The following DLGAP2 variants were observed in gnomAD, a reference collection of about 807,000 sequenced individuals.
The protein encoded by DLGAP2 is DLG associated protein 2, also known as disks large-associated protein 2.
DLGAP2 carries 26 observed loss-of-function variants against 100.3 expected under a neutral mutation model. That is an observed-to-expected ratio of 0.26 (90% CI 0.19 to 0.36). DLGAP2 has a LOEUF of 0.36. DLGAP2 is among the 10% of genes least tolerant of loss of function. The pLI is 1.00. For missense variants in DLGAP2, 1,858 were observed against 1,453.2 expected (o/e 1.28, Z -4.53); for synonymous variants, 886 against 630.1 (o/e 1.41, Z -6.08).
At chr8:1,524,439 CCTAA>C (rs1800721159) in intron 4 of DLGAP2, among the ~76,000 whole-genome samples, 4 of 152,196 alleles carry the variant, frequency 2.6e-5, no homozygotes, top group Admixed American at 6.5e-5. Flanking sequence ...CTTGGGCAGC[CCTAA>C]CTAAGGAGCC....
chr8:1,266,491 A>T (rs1799453787), intron 3 of DLGAP2, among the ~76,000 whole-genome samples: 1 of 152,066 alleles, frequency 6.6e-6, no homozygotes, highest in Admixed American at 6.5e-5. Flanking sequence ...AATAACTATT[A>T]CCAAAGCATA....
At chr8:1,040,496 G>C (rs1047068705) in intron 2 of DLGAP2, among the ~76,000 whole-genome samples, 21 of 136,084 alleles carry the variant, frequency 1.5e-4, no homozygotes, top group African/African-American at 5.8e-4. Flanking sequence ...TTCCGTGGTC[G>C]TCTCGGTGTG....
At chr8:1,373,850 A>T (rs1251167077) in intron 3 of DLGAP2, 2 of 152,302 alleles carry the variant, frequency 1.3e-5, no homozygotes, top group Non-Finnish European at 2.9e-5. Flanking sequence ...TATGTGTATC[A>T]CAGACCCGCA....
At chr8:1,076,840 G>A (rs1256765157) in intron 2 of DLGAP2, among the ~76,000 whole-genome samples, 3 of 149,870 alleles carry the variant, frequency 2.0e-5, no homozygotes, top group Non-Finnish European at 3.0e-5. Flanking sequence ...AAGACCAAGA[G>A]GGGGAGGAGG....
intron 3 of DLGAP2, among the ~76,000 whole-genome samples, chr8:1,318,297 A>T (rs546011311): frequency 9.9e-4 from 150 of 152,274 alleles, no homozygotes; most frequent in African/African-American, 3.5e-3. Context: ...GTTGGTGTTT[A>T]GGTTGTCAAA....
intron 3 of DLGAP2, among the ~76,000 whole-genome samples, chr8:1,341,889 G>T (rs1335360771): frequency 6.6e-6 from 1 of 152,202 alleles, no homozygotes; most frequent in African/African-American, 2.4e-5. Flanking sequence ...TGGGATTCTA[G>T]CCTGCGGGTG....
At chr8:1,208,205 G>A (rs1413399939) in intron 2 of DLGAP2, among the ~76,000 whole-genome samples, 7 of 152,184 alleles carry the variant, frequency 4.6e-5, no homozygotes. Flanking sequence ...GGTCTTAGCT[G>A]TAAGTCTTTG....
chr8:1,193,442 CAT>C (rs977457740), intron 2 of DLGAP2, among the ~76,000 whole-genome samples: 3 of 152,138 alleles, frequency 2.0e-5, no homozygotes, highest in African/African-American at 7.2e-5. Flanking sequence ...AGCATTTTTT[CAT>C]GTGTCTTTTG....
chr8:1,449,497 G>A (rs1165955651), intron 3 of DLGAP2, among the ~76,000 whole-genome samples: 2 of 152,164 alleles, frequency 1.3e-5, no homozygotes. Context: ...CATGGACCTG[G>A]GATGTCAGAG....
chr8:1,620,130 A>AT (rs1797280396), intron 6 of DLGAP2, among the ~76,000 whole-genome samples: 1 of 152,128 alleles, frequency 6.6e-6, no homozygotes, highest in Admixed American at 6.5e-5. Flanking sequence ...AGTTCCACTC[A>AT]TACTTCCATT....
At chr8:1,037,076 C>T (rs1802148748) in intron 2 of DLGAP2, among the ~76,000 whole-genome samples, 1 of 152,250 alleles carries the variant, frequency 6.6e-6, no homozygotes, top group African/African-American at 2.4e-5. Context: ...GACAGGCATG[C>T]TGTGTCCCTG....
intron 2 of DLGAP2, among the ~76,000 whole-genome samples, chr8:1,054,826 G>A (rs941487240): frequency 2.6e-5 from 4 of 152,128 alleles, no homozygotes; most frequent in Admixed American, 6.5e-5. Flanking sequence ...CAAATTGTAA[G>A]GAAAAACCAT....
Position 1,544,942 on chromosome 8 carries a change from A to G in DLGAP2, c.173-3684A>G, listed in dbSNP as rs928160209. Among the ~76,000 whole-genome samples, 18 of 152,112 alleles carry G rather than the reference A, an allele frequency of 1.2e-4. 1 individual carries two copies. On this transcript the variant is annotated intron_variant, in intron 4 of 14. Coordinates refer to ENST00000637795, the MANE Select transcript of DLGAP2 (RefSeq NM_001346810.2). ...GAGATGGGGTTTCACCATGTTGGCC[A>G]GGATGGTCTCGATCTCTTGACCTTG...
At chr8:1,163,201 T>TG (rs1796925587) in intron 2 of DLGAP2, among the ~76,000 whole-genome samples, 1 of 152,228 alleles carries the variant, frequency 6.6e-6, no homozygotes, top group African/African-American at 2.4e-5. Flanking sequence ...GACGTGTCTG[T>TG]GCCAGTGAAA....
rs115198272 is a variant in DLGAP2, at chr8:1,241,233, C to G, written c.74-17618C>G. On this transcript the variant is annotated intron_variant, in intron 2 of 14. Transcript: ENST00000637795. ...CTAATTCTCTCACATGGCGCCGTGT[C>G]TAGTTCTGTCACATGGAACCATGTC... Among the ~76,000 whole-genome samples, 770 of 147,026 alleles carry G rather than the reference C, an allele frequency of 5.2e-3. 16 individuals are homozygous for G. Among genetic ancestry groups the G allele is most frequent in the African/African-American group, 0.018 (716 of 38,734 alleles).
intron 1 of DLGAP2, among the ~76,000 whole-genome samples, chr8:905,449 T>C (rs1798358726): frequency 6.6e-6 from 1 of 152,016 alleles, no homozygotes; most frequent in Admixed American, 6.5e-5. Context: ...TCTCAAGCGA[T>C]TCCCCCCCCA....
At chr8:1,061,601 C>A (rs1367635241) in intron 2 of DLGAP2, among the ~76,000 whole-genome samples, 1 of 152,054 alleles carries the variant, frequency 6.6e-6, no homozygotes, top group East Asian at 1.9e-4. Context: ...CTCCCAAGAG[C>A]AGCAGCAGCA....
Position 1,549,276 on chromosome 8 carries a change from A to G in DLGAP2, c.823A>G (p.Ser275Gly). Residue 275 changes from serine to glycine, a missense_variant, in exon 5 of 15, where the codon AGC becomes GGC. By Grantham distance (56) the Ser-to-Gly change is moderately conservative (BLOSUM62 0). Coordinates refer to ENST00000637795, the MANE Select transcript of DLGAP2 (RefSeq NM_001346810.2). The part of the protein sequence containing the change: ...DHHHAHHAKH[S>G]KRSKSKERKP... ...CCACCACGCCCACCACGCCAAGCAC[A>G]GCAAGAGGAGCAAGAGCAAGGAGCG... 1.2e-6 allele frequency: 2 copies of G among 1,611,684 alleles called. No individual in the cohort carries two copies. The highest frequency in any genetic ancestry group is 1.1e-5 in the South Asian group (1 of 91,012).
intron 2 of DLGAP2, among the ~76,000 whole-genome samples, chr8:1,079,721 G>A (rs1262591647): frequency 6.6e-6 from 1 of 152,166 alleles, no homozygotes; most frequent in Non-Finnish European, 1.5e-5. Context: ...CCAGTTGGGA[G>A]GACAGGCATG....
Sources: gnomAD v4.1 joint callset for allele counts (sites outside exome capture counted in the v4.1 genomes callset) on GRCh38, gnomAD v4.1.1 for gene constraint, MANE v1.5 for transcripts, NCBI Gene and HGNC (gene_info 2026-07-23, HGNC 2026-07-21) for gene names.